RPTOR: variants seen among roughly 807,000 people sequenced by gnomAD.
RPTOR encodes the protein regulatory associated protein of MTOR complex 1.
Under a neutral mutation model 169.9 loss-of-function variants are expected in RPTOR, and 21 were observed. The observed-to-expected ratio is 0.12, with a 90% confidence interval of 0.09 to 0.18. The LOEUF is 0.18. Ranked by LOEUF, RPTOR falls within the 10% of genes least tolerant of loss-of-function variation. RPTOR has a pLI of 1.00. For synonymous variants in RPTOR, 732 were observed against 753.2 expected (o/e 0.97, Z 0.46); for missense variants, 1,133 against 1,855.9 (o/e 0.61, Z 7.16).
At position 80,867,359 on chromosome 17, in the gene RPTOR, A is replaced by AT. The variant is rs201886135; in HGVS notation, c.1509+9462dup. ...TAACAAAATCTGAGATCCACTTCTG[A>AT]TTTAAAAAAAAAAAACTCCCTGCAG... is the stretch of plus-strand genomic sequence containing the variant. On this transcript the variant is annotated intron_variant, in intron 13 of 33. Coordinates refer to ENST00000306801, the MANE Select transcript of RPTOR (RefSeq NM_020761.3). 1.1e-3 allele frequency among the ~76,000 whole-genome samples: 136 copies of AT among 124,348 alleles called. 1 individual carries two copies. Among genetic ancestry groups the AT allele is most frequent in the African/African-American group, 2.9e-3 (107 of 37,022 alleles). 81.6% of individuals were successfully genotyped at this position (124,348 alleles called of 152,430 possible).
intron 13 of RPTOR, among the ~76,000 whole-genome samples, chr17:80,872,322 G>A (rs2068060416): frequency 6.6e-6 from 1 of 152,174 alleles, no homozygotes; most frequent in Non-Finnish European, 1.5e-5. Flanking sequence ...AGTTCCATGT[G>A]GAGCCCTCAG....
chr17:80,654,435 G>T (rs994916227), intron 3 of RPTOR, among the ~76,000 whole-genome samples: 2 of 152,374 alleles, frequency 1.3e-5, no homozygotes, highest in African/African-American at 4.8e-5. Context: ...CAGAGAGGCC[G>T]ATCAGCTCCG....
chr17:80,689,538 A>C (rs571677822), intron 3 of RPTOR, among the ~76,000 whole-genome samples: 7 of 152,370 alleles, frequency 4.6e-5, no homozygotes, highest in African/African-American at 1.4e-4. Flanking sequence ...ACTAGATTTC[A>C]GGCTTTCATC....
At chr17:80,630,444 G>A (rs753262333) in intron 2 of RPTOR, among the ~76,000 whole-genome samples, 9 of 152,224 alleles carry the variant, frequency 5.9e-5, no homozygotes, top group Non-Finnish European at 7.3e-5. Flanking sequence ...GGCAGTAGAT[G>A]TGTGCCTGCA....
intron 7 of RPTOR, among the ~76,000 whole-genome samples, chr17:80,819,880 C>T (rs759016550): frequency 2.6e-5 from 4 of 152,174 alleles, no homozygotes; most frequent in Non-Finnish European, 4.4e-5. Context: ...GGCAGTGCTC[C>T]AGGCACGTTG....
chr17:80,822,352 G>T (rs771610354), intron 8 of RPTOR, 51 bp downstream of exon 8: 1 of 1,554,032 alleles, frequency 6.4e-7, no homozygotes, highest in South Asian at 1.1e-5. Flanking sequence ...TTGAGTGCGC[G>T]GGGAGCCGAC....
At chr17:80,617,186 G>A (rs1311488480) in intron 1 of RPTOR, among the ~76,000 whole-genome samples, 1 of 152,172 alleles carries the variant, frequency 6.6e-6, no homozygotes, top group Non-Finnish European at 1.5e-5. Flanking sequence ...CTCTGAAGAG[G>A]TCAGAATCAC....
At position 80,596,739 on chromosome 17, in the gene RPTOR, C is replaced by T. The variant is rs140468069; in HGVS notation, c.163-28952C>T. Among the ~76,000 whole-genome samples, 206 of 152,248 alleles carry T rather than the reference C, an allele frequency of 1.4e-3. 2 individuals carry two copies. The highest frequency in any genetic ancestry group is 4.5e-3 in the African/African-American group (187 of 41,538). On this transcript the variant is annotated intron_variant, in intron 1 of 33. Coordinates refer to ENST00000306801, the MANE Select transcript of RPTOR (RefSeq NM_020761.3). ...TAGATAAGGCCTTGATAAAATAACA[C>T]CTTTTTCTCTTATTTCAATGGATCC...
chr17:80,768,263 A>G (rs747494583), intron 6 of RPTOR, among the ~76,000 whole-genome samples: 2 of 152,022 alleles, frequency 1.3e-5, no homozygotes, highest in Non-Finnish European at 2.9e-5. Flanking sequence ...CTCTTCTCCC[A>G]TGTCTGTCTA....
Position 80,954,401 on chromosome 17 carries a change from C to T in RPTOR, c.3371-3223C>T, listed in dbSNP as rs1431928525. On this transcript the variant is annotated intron_variant, in intron 28 of 33. Coordinates refer to ENST00000306801, the MANE Select transcript of RPTOR (RefSeq NM_020761.3). ...CCTCCCAAAGTGCTGGGATTACAGG[C>T]GTGAGCCACTGTGCCCGGGCTACAT... is the stretch of plus-strand genomic sequence containing the variant. 2.0e-5 allele frequency among the ~76,000 whole-genome samples: 3 copies of T among 151,756 alleles called. No individual in the cohort carries two copies. The East Asian group carries it at 5.9e-4, about 30-fold the overall frequency.
In RPTOR at chr17:80,619,143, A is replaced by G. The variant is rs2065336289; in HGVS notation, c.163-6548A>G. On this transcript the variant is annotated intron_variant, in intron 1 of 33. Transcript: ENST00000306801. ...GAATTGGGTGGCTCTGCCTTCAGAC[A>G]AACCAGGGGATAGTGAATGTTGTGA... 2.0e-5 allele frequency among the ~76,000 whole-genome samples: 3 copies of G among 152,168 alleles called. No homozygotes were observed. The South Asian group carries it at 6.2e-4, about 31-fold the overall frequency.
chr17:80,671,904 A>G (rs571802501), intron 3 of RPTOR, among the ~76,000 whole-genome samples: 4 of 152,378 alleles, frequency 2.6e-5, no homozygotes, highest in Non-Finnish European at 4.4e-5. Context: ...ATTGTTTAAT[A>G]TATAACTGGA....
chr17:80,918,139 C>T (rs2068696347), intron 21 of RPTOR, among the ~76,000 whole-genome samples: 1 of 152,232 alleles, frequency 6.6e-6, no homozygotes, highest in South Asian at 2.1e-4. Flanking sequence ...TCATTCCCCT[C>T]ACTGCAGACC....
chr17:80,940,814 C>T (rs1302641529), intron 25 of RPTOR, among the ~76,000 whole-genome samples: 1 of 152,188 alleles, frequency 6.6e-6, no homozygotes, highest in Non-Finnish European at 1.5e-5. Flanking sequence ...TTCTGCAGCC[C>T]AGAGTGGGGA....
chr17:80,774,289 A>C, intron 6 of RPTOR: 1 of 985,428 alleles, frequency 1.0e-6, no homozygotes, highest in Non-Finnish European at 1.2e-6. Flanking sequence ...CGGGAGCTGC[A>C]CGGGAGAGTG....
chr17:80,599,589 A>G (rs1599589911), intron 1 of RPTOR, among the ~76,000 whole-genome samples: 1 of 152,130 alleles, frequency 6.6e-6, no homozygotes, highest in South Asian at 2.1e-4. Flanking sequence ...CTAGAAGGTA[A>G]TAGGGTCTAG....
intron 5 of RPTOR, among the ~76,000 whole-genome samples, chr17:80,744,925 T>TACTAGCACTGTCCTGGC (rs2066554677): frequency 8.0e-4 from 75 of 93,516 alleles, no homozygotes; most frequent in African/African-American, 2.5e-3. Context: ...ACAGCCCTGG[T>TACTAGCACTGTCCTGGC]TACTAGCAGA....
At chr17:80,875,619 C>G (rs924608039) in intron 13 of RPTOR, among the ~76,000 whole-genome samples, 1 of 152,248 alleles carries the variant, frequency 6.6e-6, no homozygotes, top group Admixed American at 6.5e-5. Context: ...GGCAGATTCA[C>G]GCTGCCGGCA....
At chr17:80,552,514 T>G (rs1444661013) in intron 1 of RPTOR, among the ~76,000 whole-genome samples, 1 of 152,242 alleles carries the variant, frequency 6.6e-6, no homozygotes, top group Non-Finnish European at 1.5e-5. Context: ...CCTGGAGATG[T>G]GAGCTTTTCA....
Sources: gnomAD v4.1 joint callset for allele counts (sites outside exome capture counted in the v4.1 genomes callset) on GRCh38, gnomAD v4.1.1 for gene constraint, MANE v1.5 for transcripts, NCBI Gene and HGNC (gene_info 2026-07-23, HGNC 2026-07-21) for gene names.